Variants in TMEM117 observed in about 807,000 individuals in gnomAD.
The protein encoded by TMEM117 is transmembrane protein 117.
TMEM117 carries 27 observed loss-of-function variants against 52.4 expected under a neutral mutation model. That is an observed-to-expected ratio of 0.51 (90% CI 0.38 to 0.71). TMEM117 has a LOEUF of 0.71. TMEM117 is among the 30% of genes least tolerant of loss of function. The pLI is 0.00. For missense variants in TMEM117, 556 were observed against 630.5 expected, an observed-to-expected ratio of 0.88 and a Z score of 1.26; for synonymous variants, 215 against 206.3, an observed-to-expected ratio of 1.04 and a Z score of -0.36.
intron 3 of TMEM117, among the ~76,000 whole-genome samples, chr12:44,006,427 A>G (rs1946197467): frequency 6.6e-6 from 1 of 152,198 alleles, no homozygotes; most frequent in Non-Finnish European, 1.5e-5. Context: ...TTCCCAAGGC[A>G]AACATTGAAT....
intron 3 of TMEM117, among the ~76,000 whole-genome samples, chr12:44,071,780 A>G (rs1382017858): frequency 6.6e-6 from 1 of 152,096 alleles, no homozygotes; most frequent in Non-Finnish European, 1.5e-5. Context: ...TATAAATGGC[A>G]TGTGTTGTGG....
At chr12:44,068,686 A>C (rs1947257656) in intron 3 of TMEM117, among the ~76,000 whole-genome samples, 1 of 152,232 alleles carries the variant, frequency 6.6e-6, no homozygotes, top group Non-Finnish European at 1.5e-5. Context: ...CACTGATCAC[A>C]GATTACTATA....
At chr12:43,901,122 G>A (rs1216459457) in intron 2 of TMEM117, among the ~76,000 whole-genome samples, 3 of 152,130 alleles carry the variant, frequency 2.0e-5, no homozygotes, top group Non-Finnish European at 4.4e-5. Flanking sequence ...AAGACTCCTA[G>A]AAAGAGAATT....
chr12:44,005,494 T>C (rs1946179901), intron 3 of TMEM117, among the ~76,000 whole-genome samples: 1 of 152,190 alleles, frequency 6.6e-6, no homozygotes, highest in Non-Finnish European at 1.5e-5. Context: ...CATCCAGCCT[T>C]GCTCTGACTG....
intron 3 of TMEM117, among the ~76,000 whole-genome samples, chr12:43,969,469 C>T (rs1478996703): frequency 6.6e-6 from 1 of 151,366 alleles, no homozygotes; most frequent in Non-Finnish European, 1.5e-5. Context: ...TTGCAGTGAG[C>T]CAAGATCGCA....
At chr12:44,079,024 C>G (rs1947433417) in intron 3 of TMEM117, among the ~76,000 whole-genome samples, 1 of 152,030 alleles carries the variant, frequency 6.6e-6, no homozygotes, top group Non-Finnish European at 1.5e-5. Flanking sequence ...CATCTATGTC[C>G]CTGCAAAGGA....
intron 3 of TMEM117, chr12:44,009,530 G>T (rs1294324976): frequency 9.1e-6 from 2 of 218,726 alleles, no homozygotes; most frequent in Non-Finnish European, 9.6e-6. Flanking sequence ...AACCTGTTGA[G>T]CATACAAGAC....
chr12:44,242,962 T>A (rs1165556486), intron 5 of TMEM117, among the ~76,000 whole-genome samples: 2 of 151,942 alleles, frequency 1.3e-5, no homozygotes, highest in Non-Finnish European at 2.9e-5. Context: ...CTGACTTGTG[T>A]GGTATCTCAC....
At position 44,049,225 on chromosome 12, in the gene TMEM117, T is replaced by G. The variant is rs1946928110; in HGVS notation, c.411-94300T>G. ...ATGGTACATATACACCATGGAATAC[T>G]ACGCAGCCATAAAAAGGTATTGAGA... On this transcript the variant is annotated intron_variant, in intron 3 of 7. Coordinates refer to ENST00000266534, the MANE Select transcript of TMEM117 (RefSeq NM_032256.3). Among the ~76,000 whole-genome samples the G allele has an allele frequency of 5.9e-5, 9 of 152,206 alleles. No homozygotes were observed. In the South Asian group the frequency reaches 1.9e-3, roughly 31 times the overall value.
intron 5 of TMEM117, among the ~76,000 whole-genome samples, chr12:44,266,738 T>C (rs1452435781): frequency 6.6e-6 from 1 of 152,184 alleles, no homozygotes; most frequent in East Asian, 1.9e-4. Context: ...TCATGAGTTT[T>C]ATAGCTTTAG....
Position 44,376,722 on chromosome 12 carries a change from C to A in TMEM117, c.896C>A (p.Thr299Lys). ...AAGGAGGAATATCGTATTCACATAACAGGTGTGTTATATCTTTGAACACAA... is the reference window on the plus strand; with the variant it reads ...AAGGAGGAATATCGTATTCACATAAAAGGTGTGTTATATCTTTGAACACAA... ...IFKEEYRIHI[T>K]GKWFNYGIIF... The change falls in exon 7 of 8, where the codon ACA (threonine) becomes AAA (lysine). Residue 299 changes from threonine (T) to lysine (K), a missense_variant and splice_region_variant. This residue lies in a region of TMEM117 where 328 missense variants were observed against 371.4 expected (regional missense o/e 0.88). Transcript: ENST00000266534. 6.2e-7 allele frequency: 1 copy of A among 1,600,072 alleles called. No homozygotes were observed. The highest frequency in any genetic ancestry group is 1.1e-5 in the South Asian group (1 of 87,560).
intron 6 of TMEM117, among the ~76,000 whole-genome samples, chr12:44,317,541 C>G (rs1305964031): frequency 2.6e-5 from 4 of 151,928 alleles, no homozygotes; most frequent in Admixed American, 6.6e-5. Flanking sequence ...ATTACAGGTG[C>G]CTGCCACTAC....
chr12:44,303,276 C>A (rs1014241120), intron 6 of TMEM117, among the ~76,000 whole-genome samples: 2 of 151,902 alleles, frequency 1.3e-5, no homozygotes, highest in Non-Finnish European at 2.9e-5. Flanking sequence ...CCCGAACTCC[C>A]AACCTCAGGT....
chr12:43,958,051 G>T (rs148365027), intron 3 of TMEM117, among the ~76,000 whole-genome samples: 1 of 152,318 alleles, frequency 6.6e-6, no homozygotes, highest in African/African-American at 2.4e-5. Flanking sequence ...TTCTCCTGCT[G>T]TGTTGTTAAT....
intron 3 of TMEM117, among the ~76,000 whole-genome samples, chr12:44,080,042 A>T (rs1443084191): frequency 6.6e-6 from 1 of 150,840 alleles, no homozygotes; most frequent in Non-Finnish European, 1.5e-5. Flanking sequence ...AAAAGAGTGC[A>T]TATGGGAGTC....
At chr12:44,079,825 G>A (rs1947450760) in intron 3 of TMEM117, among the ~76,000 whole-genome samples, 1 of 151,958 alleles carries the variant, frequency 6.6e-6, no homozygotes, top group Admixed American at 6.6e-5. Context: ...AGACCAGCCT[G>A]GCCAACGTGG....
intron 5 of TMEM117, among the ~76,000 whole-genome samples, chr12:44,241,590 T>A (rs545557696): frequency 1.8e-4 from 27 of 152,040 alleles, no homozygotes; most frequent in Middle Eastern, 3.4e-3. Context: ...ACTCCAAGAT[T>A]ATGAAAAACA....
At chr12:44,134,832 T>C (rs1485045731) in intron 3 of TMEM117, among the ~76,000 whole-genome samples, 1 of 152,124 alleles carries the variant, frequency 6.6e-6, no homozygotes, top group Non-Finnish European at 1.5e-5. Context: ...ATAATCTCGG[T>C]GACGTTAGCT....
intron 3 of TMEM117, among the ~76,000 whole-genome samples, chr12:44,022,302 A>G (rs1946467208): frequency 6.6e-6 from 1 of 152,142 alleles, no homozygotes. Flanking sequence ...CTACAATACA[A>G]AGGTGACAGA....
Sources: allele counts gnomAD v4.1 joint callset (sites outside exome capture counted in the v4.1 genomes callset), GRCh38; gene constraint gnomAD v4.1.1; regional missense constraint gnomAD v4.1.1; transcripts MANE v1.5; gene names NCBI Gene and HGNC (gene_info 2026-07-23, HGNC 2026-07-21).